The following PLEC variants were observed in gnomAD, a reference collection of about 807,000 sequenced individuals.
PLEC encodes hemidesmosomal protein 1.
In PLEC, 216 loss-of-function variants were observed where a neutral mutation model predicts 392.8. The ratio of observed to expected loss-of-function variants is 0.55; its 90% CI spans 0.49 to 0.62. The LOEUF (loss-of-function observed/expected upper bound fraction) is 0.62, where lower values mean the gene tolerates loss of function less well. PLEC is among the 20% of genes least tolerant of loss of function. The pLI is 0.00. For synonymous variants in PLEC, 3,621 were observed against 2,980.6 expected, an observed-to-expected ratio of 1.21 and a Z score of -7.00; for missense variants, 6,863 against 6,563.4, an observed-to-expected ratio of 1.05 and a Z score of -1.58.
Position 143,924,989 on chromosome 8 carries a change from T to C in PLEC, c.4940A>G (p.Gln1647Arg). 6.3e-7 allele frequency: 1 copy of C among 1,577,992 alleles called. No individual in the cohort carries two copies. The highest frequency in any genetic ancestry group is 8.5e-7 in the Non-Finnish European group (1 of 1,170,184). The change falls in exon 31 of 32, where the codon CAG becomes CGG. Residue 1647 changes from glutamine (Q) to arginine (R), a missense_variant. Physicochemically the swap from Gln to Arg is conservative, Grantham distance 43 (BLOSUM62 1). Transcript: ENST00000345136. ...KANEALRLRL[Q>R]AEEVAQQKSL... is the part of the protein sequence containing the mutation. ...CTTCTGCTGCGCCACCTCCTCCGCC[T>C]GCAGCCGCAGCCGTAGCGCCTCGTT...
rs1554723900 is a variant in PLEC, at chr8:143,936,995, A to C, written c.419T>G (p.Ile140Ser). ...PKLTLGLIWT[I>S]ILHFQISDIQ... ...CCGTTCTACCTGGAAGTGCAGAATG[A>C]TTGTCCAGATGAGGCCAAGGGTCAG... is the stretch of plus-strand genomic sequence containing the variant. The change falls in exon 5 of 32, where the codon ATC becomes AGC. Residue 140 changes from isoleucine to serine, a missense_variant. Transcript: ENST00000345136. The C allele has an allele frequency of 6.2e-7, 1 of 1,612,108 alleles. No homozygotes were observed. The highest frequency in any genetic ancestry group is 1.3e-5 in the African/African-American group (1 of 74,890).
rs782644992 is a variant in PLEC, at chr8:143,932,974, TCCTCCAGCTCGGGGCG to T, written c.1540_1555del (p.Arg514ThrfsTer87). On this transcript the variant is annotated frameshift_variant, in exon 14 of 32. Transcript: ENST00000345136. LOFTEE classifies it high-confidence loss of function. ...GTCCTGCAGGTAGCGCAGAGTGGAG[TCCTCCAGCTCGGGGCG>T]CCTCTGCACACTCTGCAGAGTCACC... is the stretch of plus-strand genomic sequence containing the variant. 1 of 1,611,938 alleles carries T rather than the reference TCCTCCAGCTCGGGGCG, an allele frequency of 6.2e-7. No homozygotes were observed. Among genetic ancestry groups the T allele is most frequent in the South Asian group, 1.1e-5 (1 of 90,950 alleles).
Position 143,930,112 on chromosome 8 carries a change from CAGCCCCCACCTGCTG to C in PLEC, c.2612+17_2612+31del. On this transcript the variant is annotated intron_variant, in intron 21 of 31. Coordinates refer to ENST00000345136, the MANE Select transcript of PLEC (RefSeq NM_201384.3). ...CGTCACCAGCGCCCCACCCGCCTTC[CAGCCCCCACCTGCTG>C]AGCCCCCGCCACCCACCTGGTGACG... The C allele has an allele frequency of 6.3e-7, 1 of 1,597,258 alleles. No individual in the cohort carries two copies. The highest frequency in any genetic ancestry group is 8.5e-7 in the Non-Finnish European group (1 of 1,176,876).
In PLEC at chr8:143,922,370, AGCTGCTCCT is replaced by A. The variant is rs1554689556; in HGVS notation, c.7442_7450del (p.Gln2481_Gln2483del). On this transcript the variant is annotated inframe_deletion, in exon 32 of 32. Coordinates refer to ENST00000345136, the MANE Select transcript of PLEC (RefSeq NM_201384.3). ...CTGCAGGGCCTGCGTCTCCTGCAGC[AGCTGCTCCT>A]GCTGCACCGTCTGCATCTGCAGAAG... The A allele has an allele frequency of 1.2e-6, 2 of 1,603,368 alleles. No individual in the cohort carries two copies. Among genetic ancestry groups the A allele is most frequent in the African/African-American group, 2.7e-5 (2 of 75,048 alleles).
rs1274857698 is a variant in PLEC, at chr8:143,921,583, C to A, written c.8238G>T (p.Arg2746=). Reference sequence around the variant, plus strand: ...TCACAGCCTCGTTGACGGTCAGCCGCCGGTTCCGCACAGGGTCCAGCAGGA... The same window carrying A: ...TCACAGCCTCGTTGACGGTCAGCCGACGGTTCCGCACAGGGTCCAGCAGGA... ...SGFLLDPVRN[R]RLTVNEAVKE... is the part of the protein sequence containing the mutation. The change falls in exon 32 of 32, where the codon CGG becomes CGT. Residue 2746 remains arginine, a synonymous_variant. Transcript: ENST00000345136. The A allele has an allele frequency of 3.1e-6, 5 of 1,612,214 alleles. No individual in the cohort carries two copies. The African/African-American group carries it at 6.7e-5, about 22-fold the overall frequency.
In PLEC at chr8:143,926,656, G is replaced by A. The variant is rs1825294537; in HGVS notation, c.4044+128C>T. The A allele has an allele frequency of 3.6e-6, 3 of 825,686 alleles. No individual in the cohort carries two copies. In the African/African-American group the frequency reaches 5.0e-5, roughly 14 times the overall value. 51.1% of individuals were successfully genotyped at this position (825,686 alleles called of 1,614,324 possible). A position where few individuals can be genotyped will look rare whatever the true frequency, so the allele number is the denominator to read the frequency against. Reference sequence around the variant, plus strand: ...GGCTGAGCTGGGGGCAGGGGGTGCTGGCAGCGCCAGTGGGGAGAGTGGGGA... The same window carrying A: ...GGCTGAGCTGGGGGCAGGGGGTGCTAGCAGCGCCAGTGGGGAGAGTGGGGA... On this transcript the variant is annotated intron_variant, in intron 30 of 31. Coordinates refer to ENST00000345136, the MANE Select transcript of PLEC (RefSeq NM_201384.3).
In PLEC at chr8:143,917,338, G is replaced by A. The variant is rs1172490431; in HGVS notation, c.12483C>T (p.Gly4161=). The A allele has an allele frequency of 3.1e-6, 5 of 1,609,962 alleles. No homozygotes were observed. The highest frequency in any genetic ancestry group is 4.2e-6 in the Non-Finnish European group (5 of 1,179,928). ...EMSVYEAYRK[G]LIDHQTYLEL... ...CCAGGTACGTCTGGTGGTCAATCAG[G>A]CCCTTGCGGTAGGCCTCGTACACTG... is the stretch of plus-strand genomic sequence containing the variant. The change falls in exon 32 of 32, where the codon GGC becomes GGT. Residue 4161 remains glycine (G), a synonymous_variant. Transcript: ENST00000345136.
At chr8:143,944,860 G>A (rs1396088359) in intron 1 of PLEC, 2 of 519,900 alleles carry the variant, frequency 3.8e-6, no homozygotes, top group Non-Finnish European at 6.3e-6. Context: ...ATCCGAGGAG[G>A]GCGCGCAAGG....
At position 143,923,014 on chromosome 8, in the gene PLEC, C is replaced by CTCCTT. The variant is rs1823432855; in HGVS notation, c.6914_6915insAAGGA (p.Ala2306ArgfsTer75). ...CCTTGAGCATCTTCTCTGCCAAGGCCCGCTGCTGTGCCAGGTCCTCCTCTG... is the reference window on the plus strand; with the variant it reads ...CCTTGAGCATCTTCTCTGCCAAGGCCTCCTTCGCTGCTGTGCCAGGTCCTCCTCTG... On this transcript the variant is annotated frameshift_variant, in exon 31 of 32. Coordinates refer to ENST00000345136, the MANE Select transcript of PLEC (RefSeq NM_201384.3). LOFTEE classifies it high-confidence loss of function. 6.2e-7 allele frequency: 1 copy of CTCCTT among 1,611,886 alleles called. No individual in the cohort carries two copies. The highest frequency in any genetic ancestry group is 1.3e-5 in the African/African-American group (1 of 74,898).
At chr8:143,933,777 C>T (rs1357412907) in intron 12 of PLEC, among the ~76,000 whole-genome samples, 1 of 152,196 alleles carries the variant, frequency 6.6e-6, no homozygotes, top group African/African-American at 2.4e-5. Flanking sequence ...GGGTTCTGCC[C>T]CGTGGCCAGA....
Position 143,939,347 on chromosome 8 carries a change from T to C in PLEC, c.112+3A>G, listed in dbSNP as rs191308779. The C allele has an allele frequency of 3.8e-4, 612 of 1,610,988 alleles. 8 individuals carry two copies. The African/African-American group carries it at 7.7e-3, about 20-fold the overall frequency. Reference sequence around the variant, plus strand: ...CGGGGGTGCCCGAGGGGAGCCCTGCTACCTTTCTTGCCCTCAGAGGCCCTG... The same window carrying C: ...CGGGGGTGCCCGAGGGGAGCCCTGCCACCTTTCTTGCCCTCAGAGGCCCTG... On this transcript the variant is annotated splice_donor_region_variant and intron_variant, in intron 1 of 31. Transcript: ENST00000345136.
In PLEC at chr8:143,920,940, T is replaced by C; in HGVS notation, c.8881A>G (p.Thr2961Ala). 6.2e-7 allele frequency: 1 copy of C among 1,612,968 alleles called. No individual in the cohort carries two copies. Among genetic ancestry groups the C allele is most frequent in the Non-Finnish European group, 8.5e-7 (1 of 1,180,022 alleles). ...TTCTGCTCCTGCTCCTCCACCACCGTGATGATGATCTTGATGATCTTCTCC... is the reference window on the plus strand; with the variant it reads ...TTCTGCTCCTGCTCCTCCACCACCGCGATGATGATCTTGATGATCTTCTCC... ...TVEKIIKIII[T>A]VVEEQEQKGR... The change falls in exon 32 of 32, where the codon ACG (threonine) becomes GCG (alanine). Residue 2961 changes from threonine (T) to alanine (A), a missense_variant. Transcript: ENST00000345136.
intron 17 of PLEC, 43 bp from the exon 18 acceptor site, chr8:143,932,075 C>T: frequency 2.6e-6 from 4 of 1,563,288 alleles, no homozygotes; most frequent in Non-Finnish European, 2.6e-6. Flanking sequence ...CCCGCCCCGC[C>T]TGGGGACCCG....
chr8:143,966,782 T>C (rs1213049567), intron 1 of PLEC, among the ~76,000 whole-genome samples: 1 of 152,128 alleles, frequency 6.6e-6, no homozygotes, highest in Non-Finnish European at 1.5e-5. Flanking sequence ...GGAAGCCGGA[T>C]TGGTGGAAGG....
At position 143,921,455 on chromosome 8, in the gene PLEC, A is replaced by G. The variant is rs782185535; in HGVS notation, c.8366T>C (p.Phe2789Ser). ...DPYTGQQISL[F>S]QAMQKGLIVR... ...GATGAGGCCCTTCTGCATGGCTTGG[A>G]AGAGAGAGATCTGCTGGCCAGTGTA... The change falls in exon 32 of 32, where the codon TTC (phenylalanine) becomes TCC (serine). Residue 2789 changes from phenylalanine (F) to serine (S), a missense_variant. Physicochemically the swap from Phe to Ser is radical, Grantham distance 155. Coordinates refer to ENST00000345136, the MANE Select transcript of PLEC (RefSeq NM_201384.3). 1.2e-6 allele frequency: 2 copies of G among 1,613,054 alleles called. No individual in the cohort carries two copies. Among genetic ancestry groups the G allele is most frequent in the Non-Finnish European group, 1.7e-6 (2 of 1,179,770 alleles).
At position 143,938,620 on chromosome 8, in the gene PLEC, GC is replaced by G. The variant is rs528031000; in HGVS notation, c.174+10del. 3,568 of 1,613,360 alleles carry G rather than the reference GC, an allele frequency of 2.2e-3. 8 individuals carry two copies. Among genetic ancestry groups the G allele is most frequent in the Non-Finnish European group, 2.8e-3 (3,279 of 1,179,544 alleles). ...CAGCCCCTGTGACACGCACCAGCAT[GC>G]GCCACCAACCTTGATGAGGTGCTTG... On this transcript the variant is annotated intron_variant, in intron 2 of 31. Coordinates refer to ENST00000345136, the MANE Select transcript of PLEC (RefSeq NM_201384.3).
Position 143,924,545 on chromosome 8 carries a change from C to A in PLEC, c.5384G>T (p.Arg1795Leu). The A allele has an allele frequency of 6.5e-7, 1 of 1,540,696 alleles. No individual in the cohort carries two copies. The highest frequency in any genetic ancestry group is 1.4e-5 in the African/African-American group (1 of 72,610). ...GGCCTCCTCGGCCAGCTCGCGGAAC[C>A]GGCCGGCCTCGGCCTCCAGCCTCTG... ...SKQRLEAEAG[R>L]FRELAEEAAR... Residue 1795 changes from arginine to leucine, a missense_variant, in exon 31 of 32, where the codon CGG (arginine) becomes CTG (leucine). By Grantham distance (102) the Arg-to-Leu change is moderately radical. Transcript: ENST00000345136.
At chr8:143,933,470 C>T in intron 12 of PLEC, 119 bp from the exon 13 acceptor site, 2 of 1,182,388 alleles carry the variant, frequency 1.7e-6, no homozygotes, top group South Asian at 2.5e-5. Flanking sequence ...CTGCCTCCAT[C>T]CCTGTCCTTC....
intron 1 of PLEC, among the ~76,000 whole-genome samples, chr8:143,944,906 C>T (rs936778693): frequency 2.6e-5 from 4 of 152,106 alleles, no homozygotes; most frequent in Admixed American, 6.5e-5. Context: ...TGACGCACGG[C>T]GCCAGGGCAC....
Sources: gnomAD v4.1 joint callset for allele counts (sites outside exome capture counted in the v4.1 genomes callset) on GRCh38, gnomAD v4.1.1 for gene constraint, MANE v1.5 for transcripts, NCBI Gene and HGNC (gene_info 2026-07-23, HGNC 2026-07-21) for gene names.